The following PPM1A variants were observed in gnomAD, a reference collection of about 807,000 sequenced individuals.
PPM1A encodes protein phosphatase 1A.
PPM1A carries 7 observed loss-of-function variants against 35.0 expected under a neutral mutation model. The ratio of observed to expected loss-of-function variants is 0.20; its 90% CI spans 0.11 to 0.38. The LOEUF is 0.38. Ranked by LOEUF, PPM1A falls within the 10% of genes least tolerant of loss-of-function variation. The pLI is 1.00. For missense variants in PPM1A, 239 were observed against 467.8 expected, an observed-to-expected ratio of 0.51 and a Z score of 4.51; for synonymous variants, 153 against 167.3, an observed-to-expected ratio of 0.91 and a Z score of 0.66.
At chr14:60,280,691 T>TA (rs1388474489) in intron 1 of PPM1A, among the ~76,000 whole-genome samples, 1 of 152,250 alleles carries the variant, frequency 6.6e-6, no homozygotes, top group Non-Finnish European at 1.5e-5. Flanking sequence ...TGTTGGCCCT[T>TA]AATGTGCCCC....
intron 1 of PPM1A, among the ~76,000 whole-genome samples, chr14:60,264,642 A>G (rs946862357): frequency 5.9e-5 from 9 of 152,152 alleles, no homozygotes; most frequent in African/African-American, 1.9e-4. Flanking sequence ...TTGTTTCTAG[A>G]AAATTCCTTA....
chr14:60,249,576 C>T lies in PPM1A; in HGVS notation c.-122C>T. On this transcript the variant is annotated 5_prime_UTR_variant, in exon 1 of 6. Transcript: ENST00000395076. This position sits in a 1 kb window ranked among gnomAD's most constrained non-coding sequence, Gnocchi z 4.5. ...CTGGCCCGCCGCTGCAGCGGTGACC[C>T]CTCCCCCGGCTGCCGCCGTCGCCGC... is the stretch of plus-strand genomic sequence containing the variant. 1.0e-6 allele frequency: 1 copy of T among 986,746 alleles called. No homozygotes were observed. Among genetic ancestry groups the T allele is most frequent in the Non-Finnish European group, 1.2e-6 (1 of 830,972 alleles). 61.1% of individuals were successfully genotyped at this position (986,746 alleles called of 1,614,324 possible).
chr14:60,278,143 A>G (rs1284280317), intron 1 of PPM1A, among the ~76,000 whole-genome samples: 1 of 152,228 alleles, frequency 6.6e-6, no homozygotes, highest in East Asian at 1.9e-4. Context: ...AGATGTTATT[A>G]TTAAGCCTGT....
chr14:60,292,777 T>G lies in PPM1A; in HGVS notation c.*295T>G, dbSNP rs1184861589. 9 of 279,560 alleles carry G rather than the reference T, an allele frequency of 3.2e-5. No individual in the cohort carries two copies. Among genetic ancestry groups the G allele is most frequent in the Non-Finnish European group, 4.7e-5 (7 of 149,424 alleles). 17.3% of individuals were successfully genotyped at this position (279,560 alleles called of 1,614,324 possible). A position where few individuals can be genotyped will look rare whatever the true frequency, so the allele number is the denominator to read the frequency against. The stretch of plus-strand genomic sequence containing the variant: ...GTTTTTTTGTAAAGTGTAATTGTCC[T>G]TGTACAAAATGCTCATATTTAATTA... On this transcript the variant is annotated 3_prime_UTR_variant, in exon 6 of 6. Transcript: ENST00000395076. The surrounding 1 kb of genome is among the most constrained non-coding windows in gnomAD (Gnocchi z 4.2).
At chr14:60,256,052 A>G (rs1163241182) in intron 1 of PPM1A, among the ~76,000 whole-genome samples, 1 of 152,258 alleles carries the variant, frequency 6.6e-6, no homozygotes, top group Non-Finnish European at 1.5e-5. Flanking sequence ...ATCTAATAAT[A>G]TGCATACTCT....
rs1052824949 is a variant in PPM1A, at chr14:60,292,012, A to G, written c.1120-441A>G. Among the ~76,000 whole-genome samples the G allele has an allele frequency of 2.0e-5, 3 of 152,178 alleles. No homozygotes were observed. Among genetic ancestry groups the G allele is most frequent in the African/African-American group, 7.2e-5 (3 of 41,454 alleles). ...CAATTCTGTTGTATGATGTTTATAGAAAAGTGATAACTTAAAGATCATGTG... is the reference window on the plus strand; with the variant it reads ...CAATTCTGTTGTATGATGTTTATAGGAAAGTGATAACTTAAAGATCATGTG... On this transcript the variant is annotated intron_variant, in intron 5 of 5. Coordinates refer to ENST00000395076, the MANE Select transcript of PPM1A (RefSeq NM_021003.5). This position sits in a 1 kb window ranked among gnomAD's most constrained non-coding sequence, Gnocchi z 4.2.
upstream of PPM1A, among the ~76,000 whole-genome samples, chr14:60,247,552 C>T (rs961627914): frequency 4.1e-5 from 6 of 146,394 alleles, no homozygotes; most frequent in South Asian, 1.3e-3. Context: ...ATGGCATGAA[C>T]CCGGGAGGCG....
At chr14:60,261,642 C>T (rs1353503223) in intron 1 of PPM1A, among the ~76,000 whole-genome samples, 1 of 152,176 alleles carries the variant, frequency 6.6e-6, no homozygotes, top group Admixed American at 6.5e-5. Context: ...CCATCCCCGT[C>T]AGGTCCAAGT....
Position 60,292,470 on chromosome 14 carries a change from T to C in PPM1A, c.1137T>C (p.Asp379=), listed in dbSNP as rs1434336649. The change falls in exon 6 of 6, where the codon GAT becomes GAC. Residue 379 remains aspartate (D), a synonymous_variant. Coordinates refer to ENST00000395076, the MANE Select transcript of PPM1A (RefSeq NM_021003.5). The surrounding 1 kb of genome is among the most constrained non-coding windows in gnomAD (Gnocchi z 4.2). ...TTACAAAGGACTCTACATCAACAGA[T>C]GATATGTGGTAAAACTGCTCATCTA... The part of the protein sequence containing the change: ...KNDDTDSTST[D]DMW 5.0e-6 allele frequency: 8 copies of C among 1,602,796 alleles called. No individual in the cohort carries two copies. Among genetic ancestry groups the C allele is most frequent in the South Asian group, 1.1e-5 (1 of 90,652 alleles).
At chr14:60,277,471 A>G (rs1198300574) in intron 1 of PPM1A, 1 of 152,016 alleles carries the variant, frequency 6.6e-6, no homozygotes, top group Non-Finnish European at 1.5e-5. Flanking sequence ...TGAACCTAAA[A>G]TTTTGTTAGA....
chr14:60,250,035 C>T lies in PPM1A; in HGVS notation c.-21+358C>T, dbSNP rs551557804. Among the ~76,000 whole-genome samples the T allele has an allele frequency of 1.3e-4, 19 of 151,644 alleles. No individual in the cohort carries two copies. The South Asian group carries it at 4.0e-3, about 32-fold the overall frequency. On this transcript the variant is annotated intron_variant, in intron 1 of 5. Coordinates refer to ENST00000395076, the MANE Select transcript of PPM1A (RefSeq NM_021003.5). Reference sequence around the variant, plus strand: ...CGGAGAGCGGCCTGCAGAACTTTTCCCGAGCGGGGAGGGGGCGTCCCCGCG... The same window carrying T: ...CGGAGAGCGGCCTGCAGAACTTTTCTCGAGCGGGGAGGGGGCGTCCCCGCG...
intron 1 of PPM1A, among the ~76,000 whole-genome samples, chr14:60,272,488 C>T (rs1416042439): frequency 1.3e-5 from 2 of 151,968 alleles, no homozygotes; most frequent in African/African-American, 2.4e-5. Context: ...AGGGGAATCA[C>T]TTGAGGTCAG....
At chr14:60,285,472 G>A (rs111451424) in intron 2 of PPM1A, 152 bp from the exon 3 acceptor site, 5 of 688,546 alleles carry the variant, frequency 7.3e-6, no homozygotes, top group Admixed American at 3.1e-5. Context: ...ACACACACAC[G>A]CACGCATGCG....
At chr14:60,250,213 CCTT>C (rs1882219395) in intron 1 of PPM1A, among the ~76,000 whole-genome samples, 2 of 152,294 alleles carry the variant, frequency 1.3e-5, no homozygotes, top group South Asian at 4.1e-4. Context: ...CTGAGAGACT[CCTT>C]CAGAACTCAA....
chr14:60,283,548 T>G lies in PPM1A; in HGVS notation c.834+11T>G. The G allele has an allele frequency of 6.3e-7, 1 of 1,585,446 alleles. No individual in the cohort carries two copies. The highest frequency in any genetic ancestry group is 8.5e-7 in the Non-Finnish European group (1 of 1,170,224). On this transcript the variant is annotated intron_variant, in intron 2 of 5. Transcript: ENST00000395076. The surrounding 1 kb of genome is among the most constrained non-coding windows in gnomAD (Gnocchi z 6.3). ...ACCTGTTTGTATAAGGTAGCTAGAC[T>G]TTTTTTAAAAACATAAAATGATTTT...
At chr14:60,267,403 C>T (rs1378230555) in intron 1 of PPM1A, 1 of 152,050 alleles carries the variant, frequency 6.6e-6, no homozygotes, top group African/African-American at 2.4e-5. Flanking sequence ...AGTCAGCTGC[C>T]TAATGTTGGC....
chr14:60,247,578 C>T (rs1881866467), upstream of PPM1A, among the ~76,000 whole-genome samples: 2 of 133,446 alleles, frequency 1.5e-5, no homozygotes, highest in Admixed American at 8.9e-5. Context: ...TGCAGTGAGC[C>T]GAGATTGTGC....
intron 1 of PPM1A, chr14:60,277,151 C>G: frequency 1.6e-6 from 1 of 645,024 alleles, no homozygotes; most frequent in Non-Finnish European, 2.1e-6. Flanking sequence ...AATTGAATCC[C>G]CTTGGGATTT....
Position 60,283,366 on chromosome 14 carries a change from C to G in PPM1A, c.663C>G (p.Val221=). The G allele has an allele frequency of 1.2e-6, 2 of 1,614,112 alleles. No individual in the cohort carries two copies. The highest frequency in any genetic ancestry group is 3.3e-5 in the Admixed American group (2 of 60,012). The change falls in exon 2 of 6, where the codon GTC becomes GTG. Residue 221 remains valine, a synonymous_variant. Transcript: ENST00000395076. This position sits in a 1 kb window ranked among gnomAD's most constrained non-coding sequence, Gnocchi z 6.3. The part of the protein sequence containing the change: ...TEQLVSPEPE[V]HDIERSEEDD... ...AGCTTGTCTCACCAGAGCCTGAAGT[C>G]CATGATATTGAAAGATCTGAAGAAG...
Sources: gnomAD v4.1 joint callset for allele counts (sites outside exome capture counted in the v4.1 genomes callset) on GRCh38, gnomAD v4.1.1 for gene constraint, Gnocchi (gnomAD v3.1) non-coding constraint, MANE v1.5 for transcripts, NCBI Gene and HGNC (gene_info 2026-07-23, HGNC 2026-07-21) for gene names.